The following NACC2 variants were observed in gnomAD, a reference collection of about 807,000 sequenced individuals.
NACC2 encodes the protein NACC family member 2, also known as nucleus accumbens-associated protein 2.
Under a neutral mutation model 25.1 loss-of-function variants are expected in NACC2, and 8 were observed. That is an observed-to-expected ratio of 0.32 (90% CI 0.19 to 0.57). The LOEUF (loss-of-function observed/expected upper bound fraction) is 0.57. NACC2 is among the 20% of genes least tolerant of loss of function. NACC2 has a pLI of 0.89. For synonymous variants in NACC2, 435 were observed against 294.7 expected (o/e 1.48, Z -4.88); for missense variants, 644 against 650.2 (o/e 0.99, Z 0.10).
chr9:136,066,977 G>A (rs1402349524), intron 1 of NACC2, among the ~76,000 whole-genome samples: 2 of 151,522 alleles, frequency 1.3e-5, no homozygotes, highest in African/African-American at 4.8e-5. Flanking sequence ...TTAGCTGGAC[G>A]CAGTGGCTCA....
intron 2 of NACC2, among the ~76,000 whole-genome samples, chr9:136,017,975 T>C (rs536439208): frequency 2.6e-5 from 4 of 152,168 alleles, no homozygotes; most frequent in South Asian, 4.1e-4. Flanking sequence ...GGGCACGGCA[T>C]GGTCCCCTCG....
chr9:136,024,407 AGTGT>A (rs1178145599), intron 2 of NACC2, among the ~76,000 whole-genome samples: 1 of 116,376 alleles, frequency 8.6e-6, no homozygotes, highest in Non-Finnish European at 1.7e-5. Flanking sequence ...GTGAGGACAG[AGTGT>A]GTGTGTGTGA....
intron 1 of NACC2, among the ~76,000 whole-genome samples, chr9:136,085,136 A>ATTT (rs1485667550): frequency 1.6e-4 from 13 of 83,204 alleles, no homozygotes; most frequent in South Asian, 4.9e-4. Context: ...CCATTTCTAC[A>ATTT]ATTTTTTTTT....
chr9:136,089,930 C>G (rs886872603), intron 1 of NACC2, among the ~76,000 whole-genome samples: 4 of 151,590 alleles, frequency 2.6e-5, no homozygotes, highest in Admixed American at 6.6e-5. Context: ...ATTTCATTAA[C>G]ATTTTAATTG....
At chr9:136,033,812 T>G (rs996292906) in intron 2 of NACC2, among the ~76,000 whole-genome samples, 1 of 151,512 alleles carries the variant, frequency 6.6e-6, no homozygotes, top group African/African-American at 2.4e-5. Flanking sequence ...CGCCCATGGA[T>G]TGGAAGACCC....
rs1659497500 is a variant in NACC2, at chr9:136,007,518, CACAG to C, written c.*3994_*3997del. Reference sequence around the variant, plus strand: ...ACACACACATGCACAGACGCGCACACACAGACGCACAGACGTGCACACACAGACA... The same window carrying C: ...ACACACACATGCACAGACGCGCACACACGCACAGACGTGCACACACAGACA... On this transcript the variant is annotated 3_prime_UTR_variant, in exon 6 of 6. Transcript: ENST00000277554. 2 of 80,102 alleles carry C rather than the reference CACAG, an allele frequency of 2.5e-5. No homozygotes were observed. Among genetic ancestry groups the C allele is most frequent in the South Asian group, 7.6e-4 (2 of 2,636 alleles). The allele number at this position is 80,102 out of a possible 1,614,324, so 5.0% of individuals were successfully genotyped here.
chr9:136,068,108 G>C (rs983884752), intron 1 of NACC2, among the ~76,000 whole-genome samples: 1 of 152,228 alleles, frequency 6.6e-6, no homozygotes, highest in East Asian at 1.9e-4. Context: ...TGAGTGAGTA[G>C]TGAGAGAATG....
intron 1 of NACC2, among the ~76,000 whole-genome samples, chr9:136,089,783 C>CT (rs1459346472): frequency 1.4e-5 from 2 of 145,300 alleles, no homozygotes; most frequent in Non-Finnish European, 3.0e-5. Flanking sequence ...TTTTTTTTTT[C>CT]TTTTTTATTA....
At chr9:136,028,410 T>C (rs897311818) in intron 2 of NACC2, among the ~76,000 whole-genome samples, 2 of 151,208 alleles carry the variant, frequency 1.3e-5, no homozygotes, top group African/African-American at 4.9e-5. Context: ...AGGGTCTCTT[T>C]CTGTCACCCA....
chr9:136,056,471 A>G (rs561190617), intron 1 of NACC2, among the ~76,000 whole-genome samples: 1 of 152,168 alleles, frequency 6.6e-6, no homozygotes, highest in Non-Finnish European at 1.5e-5. Context: ...CCTAGCCATC[A>G]TCCTTCCTGG....
In NACC2 at chr9:136,011,688, T is replaced by G. The variant is rs1328928739; in HGVS notation, c.1592A>C (p.Glu531Ala). The G allele has an allele frequency of 6.8e-7, 1 of 1,469,528 alleles. No individual in the cohort carries two copies. Among genetic ancestry groups the G allele is most frequent in the Non-Finnish European group, 9.0e-7 (1 of 1,113,862 alleles). 91.0% of individuals were successfully genotyped at this position (1,469,528 alleles called of 1,614,324 possible). A position where few individuals can be genotyped will look rare whatever the true frequency, so the allele number is the denominator to read the frequency against. The change falls in exon 6 of 6, where the codon GAG becomes GCG. Residue 531 changes from glutamate (E) to alanine (A), a missense_variant. Transcript: ENST00000277554. ...AANPAFDAGE[E>A]VDGAGSVIQE... ...GATGACCGAGCCAGCCCCGTCCACC[T>G]CCTCGCCGGCGTCGAAGGCGGGGTT...
At chr9:136,079,076 T>C (rs1830294971) in intron 1 of NACC2, among the ~76,000 whole-genome samples, 1 of 151,032 alleles carries the variant, frequency 6.6e-6, no homozygotes, top group Admixed American at 6.6e-5. Context: ...TTTTTTTAAG[T>C]GCACACGGTA....
Position 136,047,929 on chromosome 9 carries a change from CA to C in NACC2, c.886+1706del, listed in dbSNP as rs1222276108. 3.8e-3 allele frequency among the ~76,000 whole-genome samples: 580 copies of C among 152,326 alleles called. 4 individuals carry two copies. The highest frequency in any genetic ancestry group is 0.013 in the African/African-American group (555 of 41,562). On this transcript the variant is annotated intron_variant, in intron 2 of 5. Coordinates refer to ENST00000277554, the MANE Select transcript of NACC2 (RefSeq NM_144653.5). The stretch of plus-strand genomic sequence containing the variant: ...CACCCAGCCCTGGCTCCCATCACCC[CA>C]AACACACCAAGGCCCAAGGTCACAT...
chr9:136,069,481 G>A (rs561877615), intron 1 of NACC2, among the ~76,000 whole-genome samples: 9 of 151,598 alleles, frequency 5.9e-5, no homozygotes, highest in Middle Eastern at 3.4e-3. Context: ...ACCAGAAGGC[G>A]GAGGTTGCAG....
intron 1 of NACC2, among the ~76,000 whole-genome samples, chr9:136,091,160 AAGGGTAGTGAGC>A (rs1187566101): frequency 1.3e-5 from 2 of 152,038 alleles, no homozygotes; most frequent in East Asian, 3.9e-4. Flanking sequence ...CCTCCTCTTA[AAGGGTAGTGAGC>A]CTTACATGGG....
intron 2 of NACC2, among the ~76,000 whole-genome samples, chr9:136,045,428 G>A (rs959818734): frequency 1.1e-5 from 1 of 94,384 alleles, no homozygotes; most frequent in African/African-American, 3.7e-5. Flanking sequence ...TGTGCAGCTG[G>A]TGTCAATACC....
chr9:136,018,149 A>G lies in NACC2; in HGVS notation c.887-1720T>C, dbSNP rs1840230822. Among the ~76,000 whole-genome samples, 1 of 152,166 alleles carries G rather than the reference A, an allele frequency of 6.6e-6. No homozygotes were observed. Among genetic ancestry groups the G allele is most frequent in the Non-Finnish European group, 1.5e-5 (1 of 68,000 alleles). The stretch of plus-strand genomic sequence containing the variant: ...AGCCCACCTGCGGCCGCACCGCACC[A>G]GGACGCTCAGAGGCAGGTGCACCTG... On this transcript the variant is annotated intron_variant, in intron 2 of 5. Transcript: ENST00000277554. The surrounding 1 kb of genome is among the most constrained non-coding windows in gnomAD (Gnocchi z 4.4).
chr9:136,055,588 G>A lies in NACC2; in HGVS notation c.-59-5008C>T, dbSNP rs904864846. Among the ~76,000 whole-genome samples, 3 of 152,198 alleles carry A rather than the reference G, an allele frequency of 2.0e-5. No individual in the cohort carries two copies. The highest frequency in any genetic ancestry group is 2.9e-5 in the Non-Finnish European group (2 of 68,034). The stretch of plus-strand genomic sequence containing the variant: ...TCTAAGCCCAGCACAGCAAACCAGA[G>A]GAATGCGGCACTGAATTTCTGCAGG... On this transcript the variant is annotated intron_variant, in intron 1 of 5. Coordinates refer to ENST00000277554, the MANE Select transcript of NACC2 (RefSeq NM_144653.5). The surrounding 1 kb of genome is among the most constrained non-coding windows in gnomAD (Gnocchi z 4.9).
At chr9:136,090,454 C>A (rs1830423328) in intron 1 of NACC2, among the ~76,000 whole-genome samples, 1 of 152,106 alleles carries the variant, frequency 6.6e-6, no homozygotes, top group Non-Finnish European at 1.5e-5. Flanking sequence ...AGCCCCAGGA[C>A]AGTAGGGGTG....
Sources: allele counts gnomAD v4.1 joint callset (sites outside exome capture counted in the v4.1 genomes callset), GRCh38; gene constraint gnomAD v4.1.1; non-coding constraint Gnocchi (gnomAD v3.1); transcripts MANE v1.5; gene names NCBI Gene and HGNC (gene_info 2026-07-23, HGNC 2026-07-21).